The following SLC26A7 variants were observed in gnomAD, a reference collection of about 807,000 sequenced individuals.
SLC26A7 encodes anion exchange transporter.
In SLC26A7, 59 loss-of-function variants were observed where a neutral mutation model predicts 82.5. The ratio of observed to expected loss-of-function variants is 0.72; its 90% CI spans 0.58 to 0.89. The LOEUF is 0.89. Ranked by LOEUF, SLC26A7 falls within the 40% of genes least tolerant of loss-of-function variation. The probability of loss-of-function intolerance (pLI) is 0.00; values close to 1 mark genes in which losing one functional copy is unlikely to be tolerated. For synonymous variants in SLC26A7, 271 were observed against 274.3 expected, an observed-to-expected ratio of 0.99 and a Z score of 0.12; for missense variants, 820 against 793.0, an observed-to-expected ratio of 1.03 and a Z score of -0.41.
chr8:91,223,063 T>C (rs557336948), intron 2 of SLC26A7, among the ~76,000 whole-genome samples: 1 of 152,204 alleles, frequency 6.6e-6, no homozygotes, highest in Admixed American at 6.5e-5. Context: ...TTAGTCTTAG[T>C]AGGGTGTGTA....
chr8:91,312,071 C>T (rs984498983), intron 4 of SLC26A7, among the ~76,000 whole-genome samples: 1 of 152,106 alleles, frequency 6.6e-6, no homozygotes, highest in African/African-American at 2.4e-5. Flanking sequence ...CTTTTTTCAA[C>T]TTGTAAAACT....
chr8:91,391,215 G>A (rs1037159435), intron 16 of SLC26A7, among the ~76,000 whole-genome samples: 5 of 152,142 alleles, frequency 3.3e-5, no homozygotes, highest in Non-Finnish European at 7.4e-5. Context: ...GGGAGTGTGT[G>A]TAGGGGAATT....
chr8:91,394,664 T>A, intron 18 of SLC26A7: 1 of 1,111,756 alleles, frequency 9.0e-7, no homozygotes, highest in South Asian at 3.2e-5. Context: ...ATCAGAACAG[T>A]ATGTATTTAC....
At chr8:91,285,544 G>A (rs990902435) in intron 2 of SLC26A7, among the ~76,000 whole-genome samples, 4 of 152,210 alleles carry the variant, frequency 2.6e-5, no homozygotes, top group African/African-American at 9.7e-5. Flanking sequence ...TCAGGGTTAG[G>A]AGTTCAACAT....
At chr8:91,216,931 C>T (rs1457451696) in intron 1 of SLC26A7, among the ~76,000 whole-genome samples, 1 of 152,072 alleles carries the variant, frequency 6.6e-6, no homozygotes, top group East Asian at 1.9e-4. Context: ...ATAGTTCACC[C>T]TCCCCGAAAT....
chr8:91,234,821 CTACCTACT>C (rs1465813178), intron 2 of SLC26A7, among the ~76,000 whole-genome samples: 8 of 99,330 alleles, frequency 8.1e-5, no homozygotes, highest in Admixed American at 2.0e-4. Flanking sequence ...ACCTACCTAC[CTACCTACT>C]TCCTTCCTTC....
intron 3 of SLC26A7, among the ~76,000 whole-genome samples, chr8:91,292,792 T>C (rs1416804556): frequency 1.3e-5 from 2 of 152,014 alleles, no homozygotes; most frequent in Non-Finnish European, 2.9e-5. Flanking sequence ...GCAAAGAACA[T>C]ATATTGGAAT....
At chr8:91,363,590 G>A in intron 13 of SLC26A7, 52 bp downstream of exon 13, 1 of 1,097,608 alleles carries the variant, frequency 9.1e-7, no homozygotes, top group Non-Finnish European at 1.3e-6. Flanking sequence ...TTTTGTGGGT[G>A]AGATAATTTT....
chr8:91,235,393 A>C (rs538435426), intron 2 of SLC26A7, among the ~76,000 whole-genome samples: 2 of 152,346 alleles, frequency 1.3e-5, no homozygotes, highest in East Asian at 3.9e-4. Context: ...GACTTTAAAG[A>C]ATCTGGTATG....
At chr8:91,330,512 G>C (rs550672994) in intron 5 of SLC26A7, among the ~76,000 whole-genome samples, 26 of 152,156 alleles carry the variant, frequency 1.7e-4, no homozygotes, top group African/African-American at 6.0e-4. Flanking sequence ...AAATAGAAAG[G>C]ACAAAGAACA....
rs562678640 is a variant in SLC26A7 at position 91,251,220 on chromosome 8, G to C, written c.193+1376G>C. ...TAAAGTTATCTATGGTGTATCATTA[G>C]TGATACTATTTATGTATAAGTTTCA... On this transcript the variant is annotated intron_variant, in intron 2 of 18. Transcript: ENST00000276609. Among the ~76,000 whole-genome samples the C allele has an allele frequency of 1.3e-3, 191 of 152,186 alleles. No homozygotes were observed. In the Middle Eastern group the frequency reaches 0.034, roughly 27 times the overall value.
At chr8:91,246,451 G>A (rs189932267), upstream of SLC26A7, among the ~76,000 whole-genome samples, 73 of 152,244 alleles carry the variant, frequency 4.8e-4, no homozygotes, top group Admixed American at 3.1e-3. Flanking sequence ...TCATTACACA[G>A]CATAAATAAA....
intron 4 of SLC26A7, among the ~76,000 whole-genome samples, chr8:91,311,796 T>G: frequency 6.6e-6 from 1 of 152,180 alleles, no homozygotes; most frequent in South Asian, 2.1e-4. Context: ...GTAATCCACA[T>G]GTAGCAGGGG....
At chr8:91,302,477 A>G (rs754119642) in intron 4 of SLC26A7, among the ~76,000 whole-genome samples, 1 of 152,150 alleles carries the variant, frequency 6.6e-6, no homozygotes, top group Non-Finnish European at 1.5e-5. Flanking sequence ...GCTAGTATAA[A>G]CAAAGTGCAC....
intron 11 of SLC26A7, 55 bp from the exon 12 acceptor site, chr8:91,362,298 G>C: frequency 7.6e-7 from 1 of 1,313,728 alleles, no homozygotes; most frequent in Non-Finnish European, 1.1e-6. Context: ...TAGCAATAAT[G>C]AGAAGAAGTG....
chr8:91,337,959 T>C (rs1382823165), intron 6 of SLC26A7, among the ~76,000 whole-genome samples, 191 bp from the exon 7 acceptor site: 1 of 151,898 alleles, frequency 6.6e-6, no homozygotes, highest in Non-Finnish European at 1.5e-5. Flanking sequence ...TGGAGACTTG[T>C]CAGTGCTCTC....
At chr8:91,341,479 G>T (rs986181302) in intron 8 of SLC26A7, among the ~76,000 whole-genome samples, 1 of 152,094 alleles carries the variant, frequency 6.6e-6, no homozygotes, top group Non-Finnish European at 1.5e-5. Flanking sequence ...TACGAATATC[G>T]AACTACCTGT....
intron 2 of SLC26A7, among the ~76,000 whole-genome samples, chr8:91,280,735 CTGA>C (rs1328395380): frequency 6.6e-6 from 1 of 152,098 alleles, no homozygotes; most frequent in Admixed American, 6.6e-5. Flanking sequence ...GTCTTTTCAT[CTGA>C]TCAGTCTTTT....
intron 15 of SLC26A7, 58 bp downstream of exon 15, chr8:91,369,891 G>T: frequency 7.4e-7 from 1 of 1,355,430 alleles, no homozygotes; most frequent in South Asian, 1.3e-5. Context: ...ATAGACCAGA[G>T]AATAAAATCT....
Sources: gnomAD v4.1 joint callset for allele counts (sites outside exome capture counted in the v4.1 genomes callset) on GRCh38, gnomAD v4.1.1 for gene constraint, MANE v1.5 for transcripts, NCBI Gene and HGNC (gene_info 2026-07-23, HGNC 2026-07-21) for gene names.